The following LYZL2 variants were observed in gnomAD, a reference collection of about 807,000 sequenced individuals.
LYZL2 encodes lysozyme-like protein 2.
A neutral mutation model predicts 17.1 loss-of-function variants in LYZL2; 13 were observed. The ratio of observed to expected loss-of-function variants is 0.76; its 90% CI spans 0.49 to 1.21. The LOEUF is 1.21. Among genes scored for constraint, LYZL2 ranks in the 50% most tolerant of loss-of-function variants. LYZL2 has a pLI of 0.00. For synonymous variants in LYZL2, 63 were observed against 74.4 expected (o/e 0.85, Z 0.79); for missense variants, 166 against 189.2 (o/e 0.88, Z 0.72).
At chr10:30,618,800 G>A (rs1838574932) in intron 3 of LYZL2, among the ~76,000 whole-genome samples, 1 of 152,100 alleles carries the variant, frequency 6.6e-6, no homozygotes, top group Admixed American at 6.5e-5. Context: ...AAAAAGCAAT[G>A]GCAACAAAAG....
chr10:30,607,776 T>G (rs564737547), downstream of LYZL2, among the ~76,000 whole-genome samples: 2 of 152,188 alleles, frequency 1.3e-5, no homozygotes, highest in South Asian at 4.2e-4. Context: ...AAGCTGGATG[T>G]GTGAATTTCC....
At chr10:30,611,408 A>G (rs1838430884), downstream of LYZL2, among the ~76,000 whole-genome samples, 2 of 151,294 alleles carry the variant, frequency 1.3e-5, no homozygotes, top group South Asian at 4.2e-4. Flanking sequence ...CTGAGGCACA[A>G]GAATCGCTTG....
chr10:30,618,343 A>G (rs1046689506), intron 3 of LYZL2, among the ~76,000 whole-genome samples: 2 of 152,200 alleles, frequency 1.3e-5, no homozygotes, highest in East Asian at 1.9e-4. Flanking sequence ...TTCATATGGA[A>G]CCAAAAAAGA....
intron 3 of LYZL2, among the ~76,000 whole-genome samples, chr10:30,617,978 C>T (rs1406055271): frequency 1.3e-5 from 2 of 151,986 alleles, no homozygotes; most frequent in Admixed American, 6.6e-5. Flanking sequence ...TCAGCAAAGT[C>T]TCAGGATACA....
At chr10:30,611,613 AAG>A (rs766546019), downstream of LYZL2, among the ~76,000 whole-genome samples, 26 of 139,528 alleles carry the variant, frequency 1.9e-4, no homozygotes, top group African/African-American at 5.1e-4. Context: ...GAAAGAAAGA[AAG>A]AGAAAGAAAG....
At position 30,626,126 on chromosome 10, in the gene LYZL2, G is replaced by T. The variant is rs1368432613; in HGVS notation, c.277C>A (p.His93Asn). ...TCACCTGAGCAGGCGACGTGGCAGTGGTTGTTCTCCTTCAGCTTTCCGCGT... is the reference window on the plus strand; with the variant it reads ...TCACCTGAGCAGGCGACGTGGCAGTTGTTGTTCTCCTTCAGCTTTCCGCGT... Reference protein sequence around the residue: ...CRRGKLKENNHCHVACSALVT... With the variant: ...CRRGKLKENNNCHVACSALVT... Residue 93 changes from histidine to asparagine, a missense_variant, in exon 3 of 5, where the codon CAC (histidine) becomes AAC (asparagine). Around this residue, in one of 2 missense-constraint regions of LYZL2, gnomAD observed 134 missense variants for 129.4 expected, o/e 1.04. Transcript: ENST00000647634. The T allele has an allele frequency of 6.2e-7, 1 of 1,614,182 alleles. No homozygotes were observed. The highest frequency in any genetic ancestry group is 8.5e-7 in the Non-Finnish European group (1 of 1,180,016).
intron 3 of LYZL2, among the ~76,000 whole-genome samples, chr10:30,622,256 A>G (rs1838633986): frequency 6.6e-6 from 1 of 152,188 alleles, no homozygotes; most frequent in Admixed American, 6.5e-5. Context: ...ATTTAAAACT[A>G]GCCATATCAG....
chr10:30,627,547 A>G (rs577068326), intron 1 of LYZL2, among the ~76,000 whole-genome samples: 32 of 152,246 alleles, frequency 2.1e-4, no homozygotes, highest in African/African-American at 5.3e-4. Context: ...AATAGTAAAT[A>G]TATCTTCTCT....
chr10:30,628,627 T>A (rs1463046517), intron 1 of LYZL2, among the ~76,000 whole-genome samples: 1 of 152,214 alleles, frequency 6.6e-6, no homozygotes, highest in Non-Finnish European at 1.5e-5. Context: ...TTCTTACATA[T>A]GTTCATCCCG....
chr10:30,619,272 T>C (rs1211234723), intron 3 of LYZL2, among the ~76,000 whole-genome samples: 1 of 152,202 alleles, frequency 6.6e-6, no homozygotes, highest in Non-Finnish European at 1.5e-5. Context: ...AGTGTGGCAA[T>C]TCCTCAGGGA....
downstream of LYZL2, among the ~76,000 whole-genome samples, chr10:30,610,236 AG>A (rs1308260402): frequency 4.6e-5 from 7 of 152,218 alleles, no homozygotes; most frequent in Non-Finnish European, 8.8e-5. Context: ...TTTAAGTAGA[AG>A]CTGGAATAAC....
chr10:30,617,404 G>A lies in LYZL2; in HGVS notation c.299-4504C>T, dbSNP rs575672887. 1.6e-4 allele frequency among the ~76,000 whole-genome samples: 24 copies of A among 152,184 alleles called. No homozygotes were observed. In the East Asian group the frequency reaches 2.9e-3, roughly 18 times the overall value. On this transcript the variant is annotated intron_variant, in intron 3 of 4. Transcript: ENST00000647634. ...TTAGGAAAGTATGTCGACCGGGCGC[G>A]GCGGCTCACACCTGTAATCCCAGCA...
chr10:30,621,144 G>A (rs1359649780), intron 3 of LYZL2, among the ~76,000 whole-genome samples: 8 of 152,022 alleles, frequency 5.3e-5, no homozygotes, highest in Non-Finnish European at 1.5e-5. Flanking sequence ...ACACATCATC[G>A]AATTGCTGAA....
intron 3 of LYZL2, among the ~76,000 whole-genome samples, chr10:30,622,922 T>A (rs746051867): frequency 9.2e-5 from 14 of 152,132 alleles, no homozygotes; most frequent in Non-Finnish European, 1.9e-4. Context: ...ACCTTAAATA[T>A]AAAGACAGAT....
At chr10:30,622,591 T>A (rs1165180103) in intron 3 of LYZL2, among the ~76,000 whole-genome samples, 1 of 151,732 alleles carries the variant, frequency 6.6e-6, no homozygotes, top group African/African-American at 2.4e-5. Flanking sequence ...AAAAAACTAG[T>A]CATATCAGTA....
chr10:30,629,511 C>T (rs551423112), intron 1 of LYZL2, 82 bp downstream of exon 1: 40 of 1,405,468 alleles, frequency 2.8e-5, no homozygotes, highest in Non-Finnish European at 2.8e-5. Context: ...TAACCCCAAG[C>T]ATCATGTTCT....
chr10:30,621,850 A>G (rs1838625544), intron 3 of LYZL2, among the ~76,000 whole-genome samples: 2 of 152,368 alleles, frequency 1.3e-5, no homozygotes, highest in South Asian at 4.1e-4. Context: ...AATGTGTAAT[A>G]GATACTATAA....
chr10:30,612,084 G>A, intron 4 of LYZL2, 60 bp from the exon 5 acceptor site: 3 of 1,591,108 alleles, frequency 1.9e-6, no homozygotes, highest in Non-Finnish European at 2.6e-6. Flanking sequence ...AACCGTCTCA[G>A]TTTCAAAGTC....
At chr10:30,610,268 TG>T (rs1288709039), downstream of LYZL2, among the ~76,000 whole-genome samples, 1 of 152,138 alleles carries the variant, frequency 6.6e-6, no homozygotes, top group African/African-American at 2.4e-5. Flanking sequence ...CTCTGGATGT[TG>T]GGGGTAAGAG....
Sources: gnomAD v4.1 joint callset for allele counts (sites outside exome capture counted in the v4.1 genomes callset) on GRCh38, gnomAD v4.1.1 for gene constraint, gnomAD v4.1.1 regional missense constraint, MANE v1.5 for transcripts, NCBI Gene and HGNC (gene_info 2026-07-23, HGNC 2026-07-21) for gene names.